The following ACOXL variants were observed in gnomAD, a reference collection of about 807,000 sequenced individuals.
ACOXL encodes acyl-CoA oxidase like, also known as acyl-coenzyme A oxidase-like protein.
ACOXL carries 70 observed loss-of-function variants against 71.9 expected under a neutral mutation model. The ratio of observed to expected loss-of-function variants is 0.97; its 90% CI spans 0.80 to 1.19. The LOEUF (loss-of-function observed/expected upper bound fraction) is 1.19. ACOXL is among the 50% of genes most tolerant of loss of function. The pLI is 0.00. For missense variants in ACOXL, 703 were observed against 736.3 expected (o/e 0.95, Z 0.52); for synonymous variants, 253 against 281.6 (o/e 0.90, Z 1.02).
At chr2:110,850,854 A>G (rs1309613683) in intron 10 of ACOXL, among the ~76,000 whole-genome samples, 2 of 152,350 alleles carry the variant, frequency 1.3e-5, no homozygotes, top group South Asian at 2.1e-4. Flanking sequence ...AGTGCACACC[A>G]AGACGTGTAT....
intron 10 of ACOXL, among the ~76,000 whole-genome samples, chr2:110,874,735 G>T (rs184042457): frequency 6.6e-6 from 1 of 152,214 alleles, no homozygotes; most frequent in African/African-American, 2.4e-5. Flanking sequence ...GGTGGAGGCC[G>T]TGAGGGCTGT....
At chr2:110,865,696 C>T (rs994701133) in intron 10 of ACOXL, among the ~76,000 whole-genome samples, 2 of 152,186 alleles carry the variant, frequency 1.3e-5, no homozygotes, top group Non-Finnish European at 1.5e-5. Flanking sequence ...CCAGCACTGC[C>T]ATGGATTTAA....
intron 10 of ACOXL, among the ~76,000 whole-genome samples, chr2:110,899,893 T>C (rs1457483033): frequency 6.6e-6 from 1 of 152,098 alleles, no homozygotes; most frequent in East Asian, 1.9e-4. Context: ...GGTCGGCTGA[T>C]TGACTCTGGA....
At chr2:110,964,944 C>T (rs184075862) in intron 12 of ACOXL, among the ~76,000 whole-genome samples, 44 of 152,268 alleles carry the variant, frequency 2.9e-4, no homozygotes, top group African/African-American at 9.9e-4. Flanking sequence ...TATATTTGTA[C>T]GGATTAATCA....
intron 10 of ACOXL, among the ~76,000 whole-genome samples, chr2:110,898,818 A>G (rs546399964): frequency 6.9e-4 from 105 of 152,338 alleles, no homozygotes; most frequent in African/African-American, 2.3e-3. Context: ...TTCAGATGAC[A>G]TGCTTATTTA....
chr2:111,018,751 G>A (rs1485803405), intron 14 of ACOXL, among the ~76,000 whole-genome samples: 1 of 152,048 alleles, frequency 6.6e-6, no homozygotes, highest in African/African-American at 2.4e-5. Context: ...GATGGGGAGC[G>A]AGCTGAGGGA....
At chr2:110,811,548 T>C (rs1177665748) in intron 9 of ACOXL, among the ~76,000 whole-genome samples, 3 of 152,132 alleles carry the variant, frequency 2.0e-5, no homozygotes, top group African/African-American at 7.2e-5. Context: ...GTTGACACTT[T>C]TGTGATGTGG....
intron 15 of ACOXL, among the ~76,000 whole-genome samples, chr2:111,034,809 A>T (rs1243200899): frequency 1.3e-5 from 2 of 152,194 alleles, no homozygotes; most frequent in Non-Finnish European, 2.9e-5. Flanking sequence ...ATGGGAGAAG[A>T]AGTAGAAGGA....
chr2:111,074,178 T>TC (rs1339667053), intron 16 of ACOXL, among the ~76,000 whole-genome samples: 2 of 151,074 alleles, frequency 1.3e-5, no homozygotes, highest in Non-Finnish European at 1.5e-5. Flanking sequence ...TTTTTTTTTT[T>TC]CTATGTAAGC....
In ACOXL at chr2:110,834,353, G is replaced by T. The variant is rs752633079; in HGVS notation, c.754-7018G>T. ...GCTTTCTAGGAAAACACCGTGTGTG[G>T]TTTATTCATATTATCCGTTAGCCAA... On this transcript the variant is annotated intron_variant, in intron 9 of 17. Coordinates refer to ENST00000439055, the MANE Select transcript of ACOXL (RefSeq NM_001142807.4). Among the ~76,000 whole-genome samples the T allele has an allele frequency of 8.5e-5, 13 of 152,332 alleles. 1 individual carries two copies. Among genetic ancestry groups the T allele is most frequent in the Middle Eastern group, 6.8e-3 (2 of 294 alleles).
intron 14 of ACOXL, among the ~76,000 whole-genome samples, chr2:111,016,098 A>G (rs1402606855): frequency 1.4e-4 from 5 of 36,512 alleles, no homozygotes; most frequent in Admixed American, 4.2e-4. Context: ...ACGCCTGGCT[A>G]ATTTTTTTAA....
chr2:110,776,557 G>A (rs1026010823), intron 2 of ACOXL, among the ~76,000 whole-genome samples: 9 of 151,914 alleles, frequency 5.9e-5, no homozygotes, highest in Non-Finnish European at 1.0e-4. Flanking sequence ...ACAGCTGGAG[G>A]TCGGTGAACA....
At chr2:110,892,157 A>T (rs766263573) in intron 10 of ACOXL, among the ~76,000 whole-genome samples, 8 of 152,318 alleles carry the variant, frequency 5.3e-5, no homozygotes, top group Non-Finnish European at 1.0e-4. Context: ...ATTTTCAATT[A>T]TGTGCAAGGA....
intron 9 of ACOXL, among the ~76,000 whole-genome samples, chr2:110,816,308 A>G (rs80015580): frequency 0.026 from 3,932 of 152,224 alleles, 181 homozygotes; most frequent in African/African-American, 0.091. Context: ...ATAGTGGCAA[A>G]GGGGAAGGCT....
At chr2:110,830,948 A>G (rs955671351) in intron 9 of ACOXL, among the ~76,000 whole-genome samples, 12 of 152,384 alleles carry the variant, frequency 7.9e-5, no homozygotes, top group Admixed American at 5.2e-4. Context: ...TTCATAATTA[A>G]AACTCTCAGA....
At chr2:110,808,915 G>A (rs1262791241) in intron 9 of ACOXL, among the ~76,000 whole-genome samples, 5 of 152,216 alleles carry the variant, frequency 3.3e-5, no homozygotes, top group African/African-American at 7.2e-5. Context: ...ATCCACTGCT[G>A]TGTGTTCAGC....
Position 110,812,449 on chromosome 2 carries a change from C to T in ACOXL, c.753+7054C>T, listed in dbSNP as rs188919850. On this transcript the variant is annotated intron_variant, in intron 9 of 17. Transcript: ENST00000439055. ...CAGTACCCAATAGTTACCTTTTCTG[C>T]TCCTCTCCCTCCTCCCCACTCCCTC... Among the ~76,000 whole-genome samples, 22 of 152,248 alleles carry T rather than the reference C, an allele frequency of 1.4e-4. No individual in the cohort carries two copies. In the East Asian group the frequency reaches 3.1e-3, roughly 21 times the overall value.
chr2:110,804,609 A>G lies in ACOXL; in HGVS notation c.621-654A>G, dbSNP rs564693382. Among the ~76,000 whole-genome samples, 36 of 151,950 alleles carry G rather than the reference A, an allele frequency of 2.4e-4. 1 individual carries two copies. In the South Asian group the frequency reaches 4.3e-3, roughly 18 times the overall value. The stretch of plus-strand genomic sequence containing the variant: ...TATCCATCGACTGAGGAAACAGGAA[A>G]TAAAATGTGGTATATCCATACAATG... On this transcript the variant is annotated intron_variant, in intron 8 of 17. Transcript: ENST00000439055.
At chr2:110,774,094 A>G (rs1021441918) in intron 2 of ACOXL, among the ~76,000 whole-genome samples, 6 of 152,182 alleles carry the variant, frequency 3.9e-5, no homozygotes, top group Admixed American at 2.0e-4. Flanking sequence ...GTGAAATACT[A>G]TGTAAAAAAC....
Sources: allele counts gnomAD v4.1 joint callset (sites outside exome capture counted in the v4.1 genomes callset), GRCh38; gene constraint gnomAD v4.1.1; transcripts MANE v1.5; gene names NCBI Gene and HGNC (gene_info 2026-07-23, HGNC 2026-07-21).